The following MTMR8 variants were observed in gnomAD, a reference collection of about 807,000 sequenced individuals.
MTMR8 encodes the protein phosphatidylinositol-3,5-bisphosphate 3-phosphatase MTMR8.
In MTMR8, 65 loss-of-function variants were observed where a neutral mutation model predicts 39.3. That is an observed-to-expected ratio of 1.65 (90% CI 1.35 to 2.03). The LOEUF is 2.03. MTMR8 is among the 30% of genes most tolerant of loss of function. MTMR8 has a pLI of 0.00. For missense variants in MTMR8, 777 were observed against 538.9 expected (o/e 1.44, Z -4.37); for synonymous variants, 245 against 185.2 (o/e 1.32, Z -2.62).
intron 1 of MTMR8, 105 bp from the exon 2 acceptor site, chrX:64,359,632 CGA>C: frequency 3.5e-6 from 3 of 850,256 alleles, no homozygotes; most frequent in South Asian, 3.0e-5. Context: ...CTACAAAACT[CGA>C]GTCTTTCCAG....
At chrX:64,342,443 T>C (rs1456433760) in intron 8 of MTMR8, among the ~76,000 whole-genome samples, 1 of 112,464 alleles carries the variant, frequency 8.9e-6, no homozygotes, top group African/African-American at 3.2e-5. Context: ...CAAGCCTATC[T>C]TTTTGGTTCA....
rs768197550 is a variant in MTMR8, at chrX:64,311,512, G to T, written c.1481+17260C>A. On this transcript the variant is annotated intron_variant, in intron 12 of 13. Coordinates refer to ENST00000374852, the MANE Select transcript of MTMR8 (RefSeq NM_017677.4). Reference sequence around the variant, plus strand: ...CCTTTAGTTTAATTAGATCCCATTTGTCTATTTTGGCTTTTGTTGCCATTG... The same window carrying T: ...CCTTTAGTTTAATTAGATCCCATTTTTCTATTTTGGCTTTTGTTGCCATTG... Among the ~76,000 whole-genome samples, 3 of 111,629 alleles carry T rather than the reference G, an allele frequency of 2.7e-5. No individual in the cohort carries two copies. The Admixed American group carries it at 2.9e-4, about 11-fold the overall frequency.
rs761644623 is a variant in MTMR8 at position 64,393,064 on chromosome X, A to G, written c.24+2276T>C. Among the ~76,000 whole-genome samples, 64 of 112,058 alleles carry G rather than the reference A, an allele frequency of 5.7e-4. 1 individual carries two copies. The highest frequency in any genetic ancestry group is 9.6e-4 in the Non-Finnish European group (51 of 53,251). On this transcript the variant is annotated intron_variant, in intron 1 of 13. Transcript: ENST00000374852. ...AATCAAGTCTTCATTTGGAGTTTTTATTTATATTTCAAGACTAATCACACT... is the reference window on the plus strand; with the variant it reads ...AATCAAGTCTTCATTTGGAGTTTTTGTTTATATTTCAAGACTAATCACACT...
At chrX:64,315,529 T>G (rs1922441747) in intron 12 of MTMR8, among the ~76,000 whole-genome samples, 1 of 112,141 alleles carries the variant, frequency 8.9e-6, no homozygotes, top group Admixed American at 9.4e-5. Context: ...TTCTGAAGTC[T>G]ATTTAATCTG....
At chrX:64,338,774 T>C (rs1038880835) in intron 8 of MTMR8, among the ~76,000 whole-genome samples, 2 of 111,203 alleles carry the variant, frequency 1.8e-5, no homozygotes, top group African/African-American at 6.5e-5. Context: ...AGGCCTGAGG[T>C]AAGGTAGTAG....
At chrX:64,307,553 T>C (rs1922159453) in intron 12 of MTMR8, among the ~76,000 whole-genome samples, 1 of 111,587 alleles carries the variant, frequency 9.0e-6, no homozygotes, top group Non-Finnish European at 1.9e-5. Context: ...CTATTGAGTT[T>C]CGTATCTATC....
chrX:64,269,514 T>A (rs1486124057), intron 13 of MTMR8, among the ~76,000 whole-genome samples: 2 of 111,437 alleles, frequency 1.8e-5, no homozygotes, highest in Admixed American at 9.5e-5. Context: ...TGACCCTGCA[T>A]CTGCCTGATG....
chrX:64,388,798 C>A (rs1474312327), intron 1 of MTMR8, among the ~76,000 whole-genome samples: 1 of 112,381 alleles, frequency 8.9e-6, no homozygotes, highest in Non-Finnish European at 1.9e-5. Context: ...AGGTTTATTG[C>A]AGGGCTTCTC....
At chrX:64,319,046 T>C (rs1922555333) in intron 12 of MTMR8, among the ~76,000 whole-genome samples, 1 of 111,811 alleles carries the variant, frequency 8.9e-6, no homozygotes, top group African/African-American at 3.3e-5. Flanking sequence ...AATAAGTACA[T>C]GTAAACTACC....
chrX:64,338,546 TAAG>T (rs745426630), intron 8 of MTMR8, among the ~76,000 whole-genome samples: 1 of 111,552 alleles, frequency 9.0e-6, no homozygotes, highest in Non-Finnish European at 1.9e-5. Flanking sequence ...AGTGAGAGAA[TAAG>T]GAGAGATAGA....
rs932744702 is a variant in MTMR8, at chrX:64,270,001, A to G, written c.1608+946T>C. On this transcript the variant is annotated intron_variant, in intron 13 of 13. Transcript: ENST00000374852. Reference sequence around the variant, plus strand: ...TAAGTGAGAGGGCTGGGTCAATAATAGGGCACCTTCCCTGGCCTTGTGGAA... The same window carrying G: ...TAAGTGAGAGGGCTGGGTCAATAATGGGGCACCTTCCCTGGCCTTGTGGAA... Among the ~76,000 whole-genome samples, 4 of 111,156 alleles carry G rather than the reference A, an allele frequency of 3.6e-5. No homozygotes were observed. The East Asian group carries it at 1.1e-3, about 31-fold the overall frequency.
At position 64,345,045 on chromosome X, in the gene MTMR8, C is replaced by G. The variant is rs764561442; in HGVS notation, c.865G>C (p.Val289Leu). Residue 289 changes from valine to leucine, a missense_variant and splice_region_variant, in exon 7 of 14, where the codon GTT becomes CTT. Coordinates refer to ENST00000374852, the MANE Select transcript of MTMR8 (RefSeq NM_017677.4). Reference protein sequence around the residue: ...MRSSLQKLLEVCELKTPTMSE... With the variant: ...MRSSLQKLLELCELKTPTMSE... ...CCTAGCCAAGGTGAAATCCCTGTACCTTCCAAGAGTTTCTGCAGACTGCTC... is the reference window on the plus strand; with the variant it reads ...CCTAGCCAAGGTGAAATCCCTGTACGTTCCAAGAGTTTCTGCAGACTGCTC... The G allele has an allele frequency of 2.5e-6, 3 of 1,209,331 alleles. No individual in the cohort carries two copies. Among genetic ancestry groups the G allele is most frequent in the Non-Finnish European group, 3.4e-6 (3 of 894,321 alleles).
At chrX:64,374,441 A>C (rs756120971) in intron 1 of MTMR8, among the ~76,000 whole-genome samples, 20 of 112,224 alleles carry the variant, frequency 1.8e-4, no homozygotes, top group African/African-American at 6.5e-4. Flanking sequence ...TTGAGAATCT[A>C]CTATATGCCA....
At chrX:64,279,802 T>C (rs1480669442) in intron 12 of MTMR8, among the ~76,000 whole-genome samples, 1 of 111,903 alleles carries the variant, frequency 8.9e-6, no homozygotes, top group African/African-American at 3.3e-5. Flanking sequence ...ACCAATGGAA[T>C]AGAATGGAGA....
At chrX:64,283,720 G>T (rs192876275) in intron 12 of MTMR8, among the ~76,000 whole-genome samples, 2 of 112,474 alleles carry the variant, frequency 1.8e-5, no homozygotes, top group Non-Finnish European at 3.8e-5. Flanking sequence ...ACAGGGTCTG[G>T]AGTGGACCTC....
At chrX:64,354,986 A>C in intron 3 of MTMR8, 52 bp from the exon 4 acceptor site, 2 of 998,554 alleles carry the variant, frequency 2.0e-6, no homozygotes, top group Non-Finnish European at 2.7e-6. Context: ...AAACCTAAAA[A>C]TCATCAAACA....
At position 64,347,119 on chromosome X, in the gene MTMR8, T is replaced by C. The variant is rs751055239; in HGVS notation, c.732+1541A>G. ...GGTTTGACTGACTCCTAGAACAAAA[T>C]TTTGTCAGTATAATATAGTTCCTAC... On this transcript the variant is annotated intron_variant, in intron 6 of 13. Coordinates refer to ENST00000374852, the MANE Select transcript of MTMR8 (RefSeq NM_017677.4). Among the ~76,000 whole-genome samples, 5 of 110,660 alleles carry C rather than the reference T, an allele frequency of 4.5e-5. No individual in the cohort carries two copies. In the East Asian group the frequency reaches 1.4e-3, roughly 32 times the overall value.
intron 1 of MTMR8, among the ~76,000 whole-genome samples, chrX:64,361,702 C>CA (rs1923785163): frequency 9.0e-6 from 1 of 111,072 alleles, no homozygotes; most frequent in Non-Finnish European, 1.9e-5. Flanking sequence ...AAATTATATA[C>CA]AAAAAACCTA....
chrX:64,292,746 C>T (rs1429098720), intron 12 of MTMR8, among the ~76,000 whole-genome samples: 1 of 111,289 alleles, frequency 9.0e-6, no homozygotes, highest in Non-Finnish European at 1.9e-5. Flanking sequence ...GAAAAAGGGG[C>T]TGCCTGACTA....
Sources: gnomAD v4.1 joint callset for allele counts (sites outside exome capture counted in the v4.1 genomes callset) on GRCh38, gnomAD v4.1.1 for gene constraint, MANE v1.5 for transcripts, NCBI Gene and HGNC (gene_info 2026-07-23, HGNC 2026-07-21) for gene names.